Variants in SSB observed in about 807,000 individuals in gnomAD.
The protein encoded by SSB is lupus La protein.
A neutral mutation model predicts 52.9 loss-of-function variants in SSB; 17 were observed. The observed-to-expected ratio is 0.32, with a 90% CI of 0.22 to 0.48. The LOEUF is 0.48. Ranked by LOEUF, SSB falls within the 20% of genes least tolerant of loss-of-function variation. The pLI is 0.99. For synonymous variants in SSB, 111 were observed against 152.1 expected, an observed-to-expected ratio of 0.73 and a Z score of 1.99; for missense variants, 314 against 463.6, an observed-to-expected ratio of 0.68 and a Z score of 2.96.
chr2:169,806,209 A>G (rs947304769), intron 4 of SSB: 1 of 253,572 alleles, frequency 3.9e-6, no homozygotes, highest in Non-Finnish European at 7.8e-6. Flanking sequence ...AAGTGATCCA[A>G]TCACCTTGAC....
chr2:169,809,268 C>T (rs1689895323), intron 8 of SSB, among the ~76,000 whole-genome samples: 1 of 152,154 alleles, frequency 6.6e-6, no homozygotes, highest in South Asian at 2.1e-4. Flanking sequence ...GTAATCCCAG[C>T]TATGTGGGAG....
At chr2:169,806,573 A>C (rs888921145) in intron 4 of SSB, 1 of 422,096 alleles carries the variant, frequency 2.4e-6, no homozygotes, top group Admixed American at 4.0e-5. Flanking sequence ...GCTTCAACTG[A>C]ATTATTTTGA....
In SSB at chr2:169,798,871, A is replaced by G. The variant is rs975945001; in HGVS notation, c.-115A>G. The G allele has an allele frequency of 1.3e-5, 2 of 152,178 alleles. No homozygotes were observed. The highest frequency in any genetic ancestry group is 2.9e-5 in the Non-Finnish European group (2 of 68,078). The allele number at this position is 152,178 out of a possible 1,614,324, so 9.4% of individuals were successfully genotyped here. A position where few individuals can be genotyped will look rare whatever the true frequency, so the allele number is the denominator to read the frequency against. ...CGCAAGAGCTGCCGGGACGGTCCCCATCTTCTTGGAGCGCTTTAGGCTGGC... is the reference window on the plus strand; with the variant it reads ...CGCAAGAGCTGCCGGGACGGTCCCCGTCTTCTTGGAGCGCTTTAGGCTGGC... On this transcript the variant is annotated 5_prime_UTR_variant, in exon 1 of 12. Coordinates refer to ENST00000260956, the MANE Select transcript of SSB (RefSeq NM_003142.5).
At chr2:169,809,673 C>T (rs1040586512) in intron 8 of SSB, among the ~76,000 whole-genome samples, 2 of 151,770 alleles carry the variant, frequency 1.3e-5, no homozygotes, top group African/African-American at 4.8e-5. Context: ...AGTGCAGTGG[C>T]GCGATCTCGG....
chr2:169,802,257 C>T (rs999243398), intron 2 of SSB, among the ~76,000 whole-genome samples: 2 of 152,038 alleles, frequency 1.3e-5, no homozygotes, highest in African/African-American at 4.8e-5. Flanking sequence ...ATTTGCAAAT[C>T]GTTCTTTGTT....
chr2:169,810,675 C>A, intron 9 of SSB, 183 bp from the exon 10 acceptor site: 1 of 670,796 alleles, frequency 1.5e-6, no homozygotes, highest in Non-Finnish European at 2.5e-6. Flanking sequence ...CTATGAATAA[C>A]TGTTCATACT....
At chr2:169,801,371 G>T (rs1248864314) in intron 2 of SSB, among the ~76,000 whole-genome samples, 2 of 152,110 alleles carry the variant, frequency 1.3e-5, no homozygotes, top group African/African-American at 4.8e-5. Context: ...ATAATGTTAA[G>T]TACTTAGAAG....
intron 4 of SSB, 138 bp downstream of exon 4, chr2:169,805,977 T>C (rs1398352673): frequency 1.1e-6 from 1 of 935,930 alleles, no homozygotes; most frequent in Non-Finnish European, 1.6e-6. Context: ...GTTTCTTTTG[T>C]TTTGTTTTGT....
rs1356734104 is a variant in SSB, at chr2:169,811,789, A to G, written c.*33A>G. 6.2e-7 allele frequency: 1 copy of G among 1,613,614 alleles called. No homozygotes were observed. The highest frequency in any genetic ancestry group is 2.2e-5 in the East Asian group (1 of 44,838). ...AACCAATTTTTTATTCATTTTAAATAGGTTTTAAACGACTTTTGTTTGCGG... is the reference window on the plus strand; with the variant it reads ...AACCAATTTTTTATTCATTTTAAATGGGTTTTAAACGACTTTTGTTTGCGG... On this transcript the variant is annotated 3_prime_UTR_variant, in exon 12 of 12. Coordinates refer to ENST00000260956, the MANE Select transcript of SSB (RefSeq NM_003142.5).
chr2:169,811,954 G>C lies in SSB; in HGVS notation c.*198G>C. On this transcript the variant is annotated 3_prime_UTR_variant, in exon 12 of 12. Transcript: ENST00000260956. ...GTATTGTTCTGTTTGTGTTATTTCA[G>C]ATGATTCAAATATCAAAAGGAAGAT... 2 of 1,369,766 alleles carry C rather than the reference G, an allele frequency of 1.5e-6. No homozygotes were observed. The highest frequency in any genetic ancestry group is 2.0e-6 in the Non-Finnish European group (2 of 987,182). 84.9% of individuals were successfully genotyped at this position (1,369,766 alleles called of 1,614,324 possible).
At chr2:169,808,659 A>G in intron 7 of SSB, 106 bp downstream of exon 7, 1 of 1,131,586 alleles carries the variant, frequency 8.8e-7, no homozygotes, top group South Asian at 1.4e-5. Context: ...TCTCTTTGCT[A>G]GTGAAACACT....
Position 169,806,960 on chromosome 2 carries a change from C to A in SSB, c.454-11C>A. The stretch of plus-strand genomic sequence containing the variant: ...CATAACTTAAAAAAATATTTTCCTT[C>A]CTTTTTACAGGGATCAATTTTTGTT... On this transcript the variant is annotated splice_polypyrimidine_tract_variant and intron_variant, in intron 5 of 11. Coordinates refer to ENST00000260956, the MANE Select transcript of SSB (RefSeq NM_003142.5). The A allele has an allele frequency of 6.2e-7, 1 of 1,611,756 alleles. No individual in the cohort carries two copies. The highest frequency in any genetic ancestry group is 8.5e-7 in the Non-Finnish European group (1 of 1,179,258).
intron 2 of SSB, among the ~76,000 whole-genome samples, chr2:169,804,801 C>T (rs980347151): frequency 1.4e-5 from 2 of 143,618 alleles, no homozygotes; most frequent in African/African-American, 5.1e-5. Flanking sequence ...GGATTACAGG[C>T]GTGCGGCACC....
At chr2:169,811,132 C>T (rs759484697) in intron 10 of SSB, 51 bp from the exon 11 acceptor site, 4 of 1,592,778 alleles carry the variant, frequency 2.5e-6, no homozygotes, top group Non-Finnish European at 3.4e-6. Flanking sequence ...AAAACATTGA[C>T]AAGAGACTTA....
intron 2 of SSB, among the ~76,000 whole-genome samples, chr2:169,804,931 AG>A: frequency 6.6e-6 from 1 of 152,226 alleles, no homozygotes; most frequent in African/African-American, 2.4e-5. Flanking sequence ...TGAGATCAGG[AG>A]TTCAAGGCCA....
Position 169,805,541 on chromosome 2 carries a change from G to T in SSB, c.134G>T (p.Gly45Val). ...AAGGAACAGATAAAACTGGATGAAG[G>T]CTGGGTACCTTTGGAGATAATGATA... is the stretch of plus-strand genomic sequence containing the variant. ...FLKEQIKLDE[G>V]WVPLEIMIKF... Residue 45 changes from glycine (G) to valine (V), a missense_variant, in exon 3 of 12, where the codon GGC becomes GTC. By Grantham distance (109) the Gly-to-Val change is moderately radical. Transcript: ENST00000260956. 6.2e-7 allele frequency: 1 copy of T among 1,613,982 alleles called. No homozygotes were observed. Among genetic ancestry groups the T allele is most frequent in the Non-Finnish European group, 8.5e-7 (1 of 1,179,982 alleles).
chr2:169,811,232 G>C lies in SSB; in HGVS notation c.1047G>C (p.Gly349=), dbSNP rs1242576630. The change falls in exon 11 of 12, where the codon GGG becomes GGC. Residue 349 remains glycine, a synonymous_variant. Transcript: ENST00000260956. ...AGGGTAATAAAGCTGCCCAGCCTGG[G>C]TCTGGTAAAGGAAAAGTACAGTTTC... ...KGKGNKAAQP[G]SGKGKVQFQG... is the part of the protein sequence containing the mutation. 2 of 1,612,400 alleles carry C rather than the reference G, an allele frequency of 1.2e-6. No individual in the cohort carries two copies. The highest frequency in any genetic ancestry group is 1.7e-6 in the Non-Finnish European group (2 of 1,179,712).
At chr2:169,808,281 A>AT (rs1268755136) in intron 6 of SSB, among the ~76,000 whole-genome samples, 8 of 152,092 alleles carry the variant, frequency 5.3e-5, no homozygotes, top group South Asian at 2.1e-4. Context: ...TGGCACATGG[A>AT]TTTTTTCCTC....
At chr2:169,800,533 T>TTA (rs1558968585) in intron 1 of SSB, among the ~76,000 whole-genome samples, 54 of 3,468 alleles carry the variant, frequency 0.016, 1 homozygote, top group African/African-American at 0.046. Context: ...AGACTCCGTC[T>TTA]CAAAAAAAAA....
Sources: gnomAD v4.1 joint callset for allele counts (sites outside exome capture counted in the v4.1 genomes callset) on GRCh38, gnomAD v4.1.1 for gene constraint, MANE v1.5 for transcripts, NCBI Gene and HGNC (gene_info 2026-07-23, HGNC 2026-07-21) for gene names.